The following PARP4 variants were observed in gnomAD, a reference collection of about 807,000 sequenced individuals.
PARP4 encodes the protein poly(ADP-ribose) polymerase family member 4, also known as protein mono-ADP-ribosyltransferase PARP4.
A neutral mutation model predicts 187.7 loss-of-function variants in PARP4; 120 were observed. The ratio of observed to expected loss-of-function variants is 0.64; its 90% CI spans 0.55 to 0.74. The LOEUF is 0.74. PARP4 is among the 30% of genes least tolerant of loss of function. The pLI, the probability that PARP4 is intolerant of heterozygous loss-of-function variation, is 0.00. For synonymous variants in PARP4, 654 were observed against 740.9 expected (o/e 0.88, Z 1.90); for missense variants, 1,836 against 2,070.5 (o/e 0.89, Z 2.20).
At chr13:24,451,960 G>A (rs2137469446) in intron 24 of PARP4, 1 of 154,690 alleles carries the variant, frequency 6.5e-6, no homozygotes, top group African/African-American at 2.4e-5. Flanking sequence ...GGGTCTGCCT[G>A]GAGGTCACAT....
Position 24,432,667 on chromosome 13 carries a change from G to T in PARP4, c.4747-1191C>A, listed in dbSNP as rs546544098. ...GTAGATCTCCAGCATGATTCCTTTG[G>T]TTTAACATAAAAATGTACCCTGATG... On this transcript the variant is annotated intron_variant, in intron 31 of 33. Coordinates refer to ENST00000381989, the MANE Select transcript of PARP4 (RefSeq NM_006437.4). Among the ~76,000 whole-genome samples, 18 of 152,200 alleles carry T rather than the reference G, an allele frequency of 1.2e-4. 1 individual carries two copies. In the South Asian group the frequency reaches 3.7e-3, roughly 32 times the overall value.
chr13:24,509,840 C>T (rs563123349), intron 1 of PARP4, among the ~76,000 whole-genome samples: 24 of 152,076 alleles, frequency 1.6e-4, no homozygotes, highest in African/African-American at 5.3e-4. Context: ...GCTGGGACTA[C>T]AGGCACGCAC....
intron 12 of PARP4, among the ~76,000 whole-genome samples, chr13:24,483,136 C>T (rs1339653449): frequency 6.6e-6 from 1 of 152,090 alleles, no homozygotes; most frequent in Non-Finnish European, 1.5e-5. Context: ...CCTCCTGCCT[C>T]AGCCTCCTGA....
chr13:24,510,889 T>C (rs1381278818), intron 1 of PARP4, among the ~76,000 whole-genome samples: 1 of 152,084 alleles, frequency 6.6e-6, no homozygotes, highest in African/African-American at 2.4e-5. Context: ...AACCTCGACC[T>C]CCCTCCCAGC....
At position 24,446,452 on chromosome 13, in the gene PARP4, T is replaced by TTGTGTGACACATAAAATACACTAACAC. The variant is rs546633629; in HGVS notation, c.3366+202_3366+228dup. ...CCACAGTGGAAGAGGAAGAACTGTC[T>TTGTGTGACACATAAAATACACTAACAC]TGTGTGACACATAAAATACACTAAC... is the stretch of plus-strand genomic sequence containing the variant. On this transcript the variant is annotated intron_variant, in intron 27 of 33. Coordinates refer to ENST00000381989, the MANE Select transcript of PARP4 (RefSeq NM_006437.4). 2.9e-3 allele frequency among the ~76,000 whole-genome samples: 441 copies of TTGTGTGACACATAAAATACACTAACAC among 152,322 alleles called. 1 individual carries two copies. The highest frequency in any genetic ancestry group is 0.017 in the Middle Eastern group (5 of 294).
In PARP4 at chr13:24,435,056, G is replaced by A. The variant is rs780422922; in HGVS notation, c.4085C>T (p.Ser1362Phe). 2.5e-6 allele frequency: 4 copies of A among 1,614,010 alleles called. No individual in the cohort carries two copies. The highest frequency in any genetic ancestry group is 3.4e-6 in the Non-Finnish European group (4 of 1,180,052). ...SAAPPRQFDA[S>F]QFSQGPVPGT... ...AGGCACAGGGCCTTGGCTGAATTGAGATGCATCAAACTGTCTGGGAGGAGC... is the reference window on the plus strand; with the variant it reads ...AGGCACAGGGCCTTGGCTGAATTGAAATGCATCAAACTGTCTGGGAGGAGC... Residue 1362 changes from serine to phenylalanine, a missense_variant, in exon 31 of 34, where the codon TCT becomes TTT. Ser to Phe is a radical substitution (Grantham distance 155). This residue lies in a region of PARP4 where 450 missense variants were observed against 439.2 expected (regional missense o/e 1.02). Transcript: ENST00000381989.
chr13:24,435,771 A>G (rs1870603686), intron 30 of PARP4, among the ~76,000 whole-genome samples: 1 of 151,856 alleles, frequency 6.6e-6, no homozygotes, highest in Non-Finnish European at 1.5e-5. Context: ...AAAAAATTAG[A>G]CAGGTGTAGT....
At chr13:24,426,949 A>G (rs1319554444) in intron 32 of PARP4, among the ~76,000 whole-genome samples, 8 of 151,434 alleles carry the variant, frequency 5.3e-5, no homozygotes, top group African/African-American at 1.9e-4. Context: ...ACAGTACATG[A>G]GCAGATCGTG....
chr13:24,457,597 C>A (rs1871934205), intron 20 of PARP4, among the ~76,000 whole-genome samples: 1 of 151,802 alleles, frequency 6.6e-6, no homozygotes, highest in Non-Finnish European at 1.5e-5. Flanking sequence ...CATGGGAAAC[C>A]CCGTCTCTAC....
intron 23 of PARP4, 138 bp from the exon 24 acceptor site, chr13:24,452,731 C>T (rs1871592009): frequency 1.6e-6 from 1 of 630,404 alleles, no homozygotes; most frequent in Admixed American, 3.1e-5. Context: ...TGTGAAACAA[C>T]TAAACTTATG....
intron 20 of PARP4, among the ~76,000 whole-genome samples, chr13:24,458,099 T>C (rs562535985): frequency 1.3e-5 from 2 of 150,968 alleles, no homozygotes; most frequent in Non-Finnish European, 2.9e-5. Flanking sequence ...GGTGAGACCC[T>C]GTCTCTACAA....
intron 17 of PARP4, among the ~76,000 whole-genome samples, chr13:24,467,521 C>T (rs1872533018): frequency 6.6e-6 from 1 of 152,054 alleles, no homozygotes; most frequent in Admixed American, 6.6e-5. Flanking sequence ...ACTGCAGCCT[C>T]GAACTCCTGG....
chr13:24,489,258 AT>A (rs1287958727), intron 10 of PARP4, among the ~76,000 whole-genome samples: 1 of 152,180 alleles, frequency 6.6e-6, no homozygotes, highest in Non-Finnish European at 1.5e-5. Flanking sequence ...CCCATCAGCA[AT>A]GTGTGATGCT....
chr13:24,477,294 ACATAGTGAGAATTTGTCT>A (rs1873034587), intron 14 of PARP4, among the ~76,000 whole-genome samples: 1 of 152,072 alleles, frequency 6.6e-6, no homozygotes, highest in South Asian at 2.1e-4. Flanking sequence ...AGCCTAAGCA[ACATAGTGAGAATTTGTCT>A]CTAAAAAAAA....
chr13:24,505,851 C>A (rs1010612801), intron 1 of PARP4, among the ~76,000 whole-genome samples: 1 of 152,204 alleles, frequency 6.6e-6, no homozygotes, highest in Non-Finnish European at 1.5e-5. Flanking sequence ...GTTTGAGGAT[C>A]GCGGTTCCGG....
Position 24,443,749 on chromosome 13 carries a change from G to C in PARP4, c.3367-19C>G. On this transcript the variant is annotated intron_variant, in intron 27 of 33. Coordinates refer to ENST00000381989, the MANE Select transcript of PARP4 (RefSeq NM_006437.4). The stretch of plus-strand genomic sequence containing the variant: ...GGATCATCTGTGTTTAAGCAGCAAA[G>C]GAAAAAAAATATTCACATGGCTTCT... 6.4e-7 allele frequency: 1 copy of C among 1,571,328 alleles called. No homozygotes were observed.
intron 7 of PARP4, 151 bp from the exon 8 acceptor site, chr13:24,493,884 A>G: frequency 1.4e-6 from 1 of 695,684 alleles, no homozygotes; most frequent in South Asian, 1.7e-5. Context: ...TCCTTTCTCT[A>G]CTAGATCCTC....
chr13:24,479,978 T>A (rs1369470978), intron 12 of PARP4, among the ~76,000 whole-genome samples: 1 of 150,824 alleles, frequency 6.6e-6, no homozygotes, highest in African/African-American at 2.5e-5. Context: ...CCTTAAGAGC[T>A]GTAACACTCA....
chr13:24,503,494 C>T, intron 2 of PARP4, 151 bp downstream of exon 2: 1 of 892,606 alleles, frequency 1.1e-6, no homozygotes, highest in South Asian at 1.6e-5. Context: ...AGCCCAGCCT[C>T]CCAATGGGCC....
Sources: allele counts gnomAD v4.1 joint callset (sites outside exome capture counted in the v4.1 genomes callset), GRCh38; gene constraint gnomAD v4.1.1; regional missense constraint gnomAD v4.1.1; transcripts MANE v1.5; gene names NCBI Gene and HGNC (gene_info 2026-07-23, HGNC 2026-07-21).